PPARGC1A: variants seen among roughly 807,000 people sequenced by gnomAD.
The protein encoded by PPARGC1A is PPARG coactivator 1 alpha.
In PPARGC1A, 25 loss-of-function variants were observed where a neutral mutation model predicts 88.7. That is an observed-to-expected ratio of 0.28 (90% CI 0.21 to 0.39). PPARGC1A has a LOEUF of 0.39. Among genes scored for constraint, PPARGC1A ranks in the 10% least tolerant of loss-of-function variants. PPARGC1A has a pLI of 1.00. For synonymous variants in PPARGC1A, 363 were observed against 355.6 expected, an observed-to-expected ratio of 1.02 and a Z score of -0.24; for missense variants, 880 against 968.7, an observed-to-expected ratio of 0.91 and a Z score of 1.22.
the PPARGC1A span, among the ~76,000 whole-genome samples, chr4:24,137,308 A>C: frequency 5.3e-4 from 81 of 151,916 alleles, 1 homozygote; most frequent in African/African-American, 1.9e-3. Flanking sequence ...CCCTGCCAAC[A>C]CCTTGATCTT....
At chr4:24,099,837 A>C in the PPARGC1A span, among the ~76,000 whole-genome samples, 417 of 152,054 alleles carry the variant, frequency 2.7e-3, 5 homozygotes, top group East Asian at 0.051. Flanking sequence ...AGAATTAAGA[A>C]GGCAATTTGG....
chr4:24,387,766 GAGAAAGAAAGAAAGAA>G, the PPARGC1A span, among the ~76,000 whole-genome samples: 19 of 52,062 alleles, frequency 3.6e-4, no homozygotes, highest in Admixed American at 5.7e-4. Flanking sequence ...GAGAGAGAGA[GAGAAAGAAAGAAAGAA>G]AGAAAGAAAG....
chr4:24,393,450 A>G, the PPARGC1A span, among the ~76,000 whole-genome samples: 3 of 152,256 alleles, frequency 2.0e-5, no homozygotes, highest in Non-Finnish European at 4.4e-5. Flanking sequence ...TAAGACAAGA[A>G]TAACATAACA....
chr4:24,163,772 A>C, the PPARGC1A span, among the ~76,000 whole-genome samples: 2 of 152,226 alleles, frequency 1.3e-5, no homozygotes, highest in South Asian at 4.1e-4. Context: ...TGCTTTAGCC[A>C]GTTAGAAACA....
chr4:23,885,046 AG>A lies in PPARGC1A; in HGVS notation c.55-116del, dbSNP rs1452388209. 4 of 903,872 alleles carry A rather than the reference AG, an allele frequency of 4.4e-6. No homozygotes were observed. The Admixed American group carries it at 1.0e-4, about 24-fold the overall frequency. 56.0% of individuals were successfully genotyped at this position (903,872 alleles called of 1,614,324 possible). On this transcript the variant is annotated intron_variant, in intron 1 of 12. Coordinates refer to ENST00000264867, the MANE Select transcript of PPARGC1A (RefSeq NM_013261.5). ...CTAGTTAATTCAACTACACTACCAA[AG>A]CTAGTTTCTGGCACTTTAATCACCA...
At chr4:24,091,504 G>C in the PPARGC1A span, 1 of 985,352 alleles carries the variant, frequency 1.0e-6, no homozygotes, top group Non-Finnish European at 1.2e-6. Context: ...CTTTTTTCCA[G>C]TCTTCTTCCA....
the PPARGC1A span, among the ~76,000 whole-genome samples, chr4:24,259,186 G>T: frequency 2.0e-5 from 3 of 152,160 alleles, no homozygotes; most frequent in Non-Finnish European, 4.4e-5. Flanking sequence ...AATACTAAAA[G>T]ATGGGTCTCC....
chr4:24,416,012 T>A, the PPARGC1A span, among the ~76,000 whole-genome samples: 2 of 152,172 alleles, frequency 1.3e-5, no homozygotes, highest in Admixed American at 6.5e-5. Context: ...TCGTGATTAA[T>A]TTTTTAAAAA....
chr4:24,111,922 A>G, the PPARGC1A span, among the ~76,000 whole-genome samples: 4 of 152,224 alleles, frequency 2.6e-5, no homozygotes, highest in African/African-American at 9.6e-5. Flanking sequence ...GTTTTACTTC[A>G]TTTACAACTA....
chr4:23,926,953 T>A, the PPARGC1A span, among the ~76,000 whole-genome samples: 1 of 152,246 alleles, frequency 6.6e-6, no homozygotes, highest in Non-Finnish European at 1.5e-5. Context: ...ACTGAATACA[T>A]GATCTATCTA....
chr4:23,928,767 AAACAAAAAAAAACAAC>A, the PPARGC1A span, among the ~76,000 whole-genome samples: 1 of 13,744 alleles, frequency 7.3e-5, no homozygotes, highest in East Asian at 4.1e-3. Flanking sequence ...AAAACAAAAA[AAACAAAAAAAAACAAC>A]AAAAAAAAAA....
chr4:24,102,955 T>C, the PPARGC1A span, among the ~76,000 whole-genome samples: 746 of 152,268 alleles, frequency 4.9e-3, 5 homozygotes, highest in Non-Finnish European at 6.4e-3. Flanking sequence ...CTGGAGATGG[T>C]TGTTAAACCA....
the PPARGC1A span, among the ~76,000 whole-genome samples, chr4:24,161,211 A>C: frequency 2.6e-5 from 4 of 152,194 alleles, no homozygotes; most frequent in Non-Finnish European, 4.4e-5. Flanking sequence ...GTAAATCTAA[A>C]ACACTCGAAT....
the PPARGC1A span, among the ~76,000 whole-genome samples, chr4:24,355,184 G>T: frequency 6.6e-6 from 1 of 152,106 alleles, no homozygotes; most frequent in African/African-American, 2.4e-5. Flanking sequence ...TAGGAAACAG[G>T]AACCAAACCG....
the PPARGC1A span, among the ~76,000 whole-genome samples, chr4:23,986,203 C>G: frequency 6.6e-6 from 1 of 151,968 alleles, no homozygotes; most frequent in South Asian, 2.1e-4. Context: ...TGGGATACAT[C>G]ACAGTATTAA....
the PPARGC1A span, among the ~76,000 whole-genome samples, chr4:24,238,739 TTGTATATGTGTGTGTGTGTGTG>T: frequency 7.7e-6 from 1 of 129,776 alleles, no homozygotes; most frequent in Non-Finnish European, 1.6e-5. Context: ...CAATCCAAGG[TTGTATATGTGTGTGTGTGTGTG>T]TGTGTGTGTG....
chr4:24,218,843 T>C, the PPARGC1A span, among the ~76,000 whole-genome samples: 220 of 152,178 alleles, frequency 1.4e-3, no homozygotes, highest in African/African-American at 4.7e-3. Flanking sequence ...ATTTAGTCTT[T>C]TTCCTGAATA....
chr4:24,151,653 C>A, the PPARGC1A span, among the ~76,000 whole-genome samples: 2 of 152,162 alleles, frequency 1.3e-5, no homozygotes, highest in Non-Finnish European at 2.9e-5. Context: ...CCACAACAAT[C>A]TGTTCACAAA....
the PPARGC1A span, among the ~76,000 whole-genome samples, chr4:24,432,901 C>T: frequency 6.6e-6 from 1 of 152,206 alleles, no homozygotes; most frequent in East Asian, 1.9e-4. Context: ...GGAAGACACA[C>T]CAGCCTCTAC....
Sources: allele counts gnomAD v4.1 joint callset (sites outside exome capture counted in the v4.1 genomes callset), GRCh38; gene constraint gnomAD v4.1.1; transcripts MANE v1.5; gene names NCBI Gene and HGNC (gene_info 2026-07-23, HGNC 2026-07-21).